The following COPG2 variants were observed in gnomAD, a reference collection of about 807,000 sequenced individuals.
COPG2 encodes coatomer subunit gamma-2.
A neutral mutation model predicts 46.3 loss-of-function variants in COPG2; 37 were observed. That is an observed-to-expected ratio of 0.80 (90% CI 0.61 to 1.05). The LOEUF is 1.05. COPG2 is among the 50% of genes least tolerant of loss of function. The pLI is 0.00. For synonymous variants in COPG2, 159 were observed against 129.7 expected (o/e 1.23, Z -1.53); for missense variants, 427 against 387.8 (o/e 1.10, Z -0.85).
At chr7:130,534,518 G>A (rs949047435) in intron 20 of COPG2, among the ~76,000 whole-genome samples, 1 of 152,166 alleles carries the variant, frequency 6.6e-6, no homozygotes, top group African/African-American at 2.4e-5. Context: ...GGGGGGCACA[G>A]GCTTCATACC....
intron 9 of COPG2, among the ~76,000 whole-genome samples, chr7:130,583,622 T>G (rs1794202772): frequency 6.9e-6 from 1 of 145,544 alleles, no homozygotes; most frequent in Non-Finnish European, 1.5e-5. Context: ...CTGGCCAACA[T>G]GGTGAAGCCT....
At chr7:130,587,035 G>A (rs190247407) in intron 9 of COPG2, among the ~76,000 whole-genome samples, 12 of 151,900 alleles carry the variant, frequency 7.9e-5, no homozygotes, top group Admixed American at 7.9e-4. Context: ...AGCTGGGCGT[G>A]GTGGCTCACG....
intron 20 of COPG2, among the ~76,000 whole-genome samples, chr7:130,542,299 G>A (rs1342618764): frequency 2.0e-5 from 3 of 151,188 alleles, no homozygotes; most frequent in Non-Finnish European, 4.4e-5. Flanking sequence ...CAGAAACAGG[G>A]TGTAGAGGTG....
intron 5 of COPG2, among the ~76,000 whole-genome samples, chr7:130,642,770 C>A (rs530194537): frequency 1.3e-5 from 2 of 152,332 alleles, no homozygotes; most frequent in South Asian, 4.1e-4. Context: ...CGCCTGTAAG[C>A]CCAGCACTTT....
chr7:130,559,093 A>G (rs1793677129), intron 12 of COPG2, among the ~76,000 whole-genome samples: 1 of 152,248 alleles, frequency 6.6e-6, no homozygotes, highest in Admixed American at 6.5e-5. Flanking sequence ...GTCCAAAGAC[A>G]TCATAAGAAA....
intron 5 of COPG2, among the ~76,000 whole-genome samples, chr7:130,643,504 G>A (rs184745254): frequency 2.0e-5 from 3 of 152,134 alleles, no homozygotes; most frequent in Non-Finnish European, 4.4e-5. Context: ...TTTATATGGG[G>A]ATTAAGATAG....
rs1794280872 is a variant in COPG2 at position 130,586,760 on chromosome 7, C to A, written c.738-22367G>T. Among the ~76,000 whole-genome samples the A allele has an allele frequency of 3.3e-5, 5 of 151,984 alleles. No homozygotes were observed. In the South Asian group the frequency reaches 1.0e-3, roughly 32 times the overall value. ...TACAGGCGTGAGCCACCGTGCCCAG[C>A]CAACTTATGGAAAAATTTTCTAAAA... On this transcript the variant is annotated intron_variant, in intron 9 of 23. Transcript: ENST00000425248.
intron 20 of COPG2, among the ~76,000 whole-genome samples, chr7:130,543,261 T>C (rs1793372319): frequency 6.6e-6 from 1 of 152,184 alleles, no homozygotes; most frequent in African/African-American, 2.4e-5. Context: ...TTTAACAAGA[T>C]TGAAATTAAG....
Position 130,551,323 on chromosome 7 carries a change from G to A in COPG2, c.1566C>T (p.Asp522=), listed in dbSNP as rs965266550. 5 of 398,346 alleles carry A rather than the reference G, an allele frequency of 1.3e-5. No homozygotes were observed. The highest frequency in any genetic ancestry group is 4.4e-5 in the Admixed American group (1 of 22,690). The allele number at this position is 398,346 out of a possible 1,614,324, so 24.7% of individuals were successfully genotyped here. The stretch of plus-strand genomic sequence containing the variant: ...AGAAGGTAGCTCTGTCTCGTACCTC[G>A]TCATCAGTATCCATCATACACCTGT... ...LLQRCMMDTD[D]EVRDRATFYL... Residue 522 remains aspartate, a synonymous_variant, in exon 16 of 24, where the codon GAC becomes GAT. Transcript: ENST00000425248.
chr7:130,513,982 A>T (rs1438270569), intron 20 of COPG2, among the ~76,000 whole-genome samples: 2 of 152,228 alleles, frequency 1.3e-5, no homozygotes, highest in Admixed American at 1.3e-4. Context: ...GGAGAACTAT[A>T]CAAAGAGTAG....
At chr7:130,664,144 T>C (rs904764627) in intron 3 of COPG2, among the ~76,000 whole-genome samples, 17 of 152,182 alleles carry the variant, frequency 1.1e-4, no homozygotes, top group Admixed American at 2.0e-4. Context: ...TCTCAAATCA[T>C]AGATTACCTC....
intron 9 of COPG2, among the ~76,000 whole-genome samples, chr7:130,572,560 G>T (rs1793925226): frequency 6.6e-6 from 1 of 151,968 alleles, no homozygotes. Context: ...CAACAGAAAA[G>T]AAACCAGGGA....
At chr7:130,609,599 A>T (rs936890702) in intron 9 of COPG2, among the ~76,000 whole-genome samples, 5 of 152,122 alleles carry the variant, frequency 3.3e-5, no homozygotes, top group East Asian at 1.9e-4. Context: ...ATTCTATTCC[A>T]TTCTGTTTCC....
intron 20 of COPG2, among the ~76,000 whole-genome samples, chr7:130,512,387 A>T (rs1238556288): frequency 1.3e-5 from 2 of 152,058 alleles, no homozygotes. Context: ...TTATTAAGAG[A>T]GTGTGAACAT....
At chr7:130,589,785 G>A (rs1289864113) in intron 9 of COPG2, among the ~76,000 whole-genome samples, 1 of 152,164 alleles carries the variant, frequency 6.6e-6, no homozygotes, top group African/African-American at 2.4e-5. Flanking sequence ...ATAGTGAGGT[G>A]ATGCTTATTT....
chr7:130,610,075 T>A (rs782537042), intron 9 of COPG2: 2 of 519,562 alleles, frequency 3.8e-6, no homozygotes, highest in Non-Finnish European at 7.7e-6. Context: ...TTCTACTGAC[T>A]ATTTTTTTCC....
chr7:130,668,163 G>A (rs1796126554), intron 1 of COPG2, among the ~76,000 whole-genome samples: 1 of 152,176 alleles, frequency 6.6e-6, no homozygotes, highest in Non-Finnish European at 1.5e-5. Flanking sequence ...GACCTGGACA[G>A]AGCCGGTGAC....
At chr7:130,601,339 T>C (rs563939877) in intron 9 of COPG2, among the ~76,000 whole-genome samples, 1 of 152,342 alleles carries the variant, frequency 6.6e-6, no homozygotes, top group African/African-American at 2.4e-5. Flanking sequence ...TTATAAATCA[T>C]TCTACTCTAA....
At chr7:130,513,780 A>G (rs1370834095) in intron 20 of COPG2, among the ~76,000 whole-genome samples, 15 of 152,188 alleles carry the variant, frequency 9.9e-5, no homozygotes, top group Non-Finnish European at 1.5e-4. Context: ...GACTAAATTC[A>G]TGAGAATGAT....
Sources: allele counts gnomAD v4.1 joint callset (sites outside exome capture counted in the v4.1 genomes callset), GRCh38; gene constraint gnomAD v4.1.1; transcripts MANE v1.5; gene names NCBI Gene and HGNC (gene_info 2026-07-23, HGNC 2026-07-21).